Variants in PCDH11X observed in about 807,000 individuals in gnomAD.
The protein encoded by PCDH11X is protocadherin 11 X-linked.
A neutral mutation model predicts 53.3 loss-of-function variants in PCDH11X; 18 were observed. The observed-to-expected ratio is 0.34, with a 90% CI of 0.23 to 0.50. PCDH11X has a LOEUF of 0.50. Ranked by LOEUF, PCDH11X falls within the 20% of genes least tolerant of loss-of-function variation. The pLI is 0.98. For missense variants in PCDH11X, 570 were observed against 1,032.4 expected (o/e 0.55, Z 6.14); for synonymous variants, 279 against 393.3 (o/e 0.71, Z 3.44).
chrX:91,860,184 C>T (rs1938583321), intron 5 of PCDH11X, among the ~76,000 whole-genome samples: 2 of 108,758 alleles, frequency 1.8e-5, no homozygotes, highest in South Asian at 4.3e-4. Flanking sequence ...TCTTTCATTT[C>T]CCTTGTTAGC....
At chrX:92,152,751 TTATGTATGTATGTATGTATGTATG>T (rs559164762) in intron 6 of PCDH11X, among the ~76,000 whole-genome samples, 23 of 99,049 alleles carry the variant, frequency 2.3e-4, no homozygotes, top group African/African-American at 8.3e-4. Context: ...TATTTTTATT[TTATGTATGTATGTATGTATGTATG>T]TATGTATGTA....
At chrX:92,146,794 T>C (rs1479802935) in intron 6 of PCDH11X, among the ~76,000 whole-genome samples, 2 of 110,075 alleles carry the variant, frequency 1.8e-5, no homozygotes, top group African/African-American at 3.3e-5. Context: ...AGGTCAGGAG[T>C]TCGAGACCAG....
chrX:92,467,884 A>G (rs1044308258), intron 9 of PCDH11X, among the ~76,000 whole-genome samples: 1 of 111,616 alleles, frequency 9.0e-6, no homozygotes, highest in Non-Finnish European at 1.9e-5. Context: ...GTTAAGTCAA[A>G]AACAATGTCT....
intron 10 of PCDH11X, among the ~76,000 whole-genome samples, chrX:92,497,707 T>G (rs1029761593): frequency 6.3e-5 from 7 of 111,189 alleles, no homozygotes; most frequent in African/African-American, 2.3e-4. Flanking sequence ...TTTATATATA[T>G]TTAGTAATTA....
At chrX:92,408,465 G>A (rs34626975) in intron 9 of PCDH11X, among the ~76,000 whole-genome samples, 28,441 of 109,125 alleles carry the variant, frequency 0.26, 4,053 homozygotes, top group African/African-American at 0.55. Flanking sequence ...GTAGAAGGGG[G>A]AAGAAACACC....
At chrX:92,326,792 C>G (rs1364689168) in intron 8 of PCDH11X, among the ~76,000 whole-genome samples, 1 of 99,962 alleles carries the variant, frequency 1.0e-5, no homozygotes, top group Non-Finnish European at 2.0e-5. Flanking sequence ...GTACTTTTGC[C>G]ATATTTAATG....
At chrX:92,406,333 T>C (rs1198051389) in intron 9 of PCDH11X, among the ~76,000 whole-genome samples, 1 of 106,448 alleles carries the variant, frequency 9.4e-6, no homozygotes, top group East Asian at 3.3e-4. Context: ...TCTAATGACT[T>C]TGATGGACCA....
chrX:92,326,623 T>TATATATATATATATATATATATA (rs1491110500), intron 8 of PCDH11X, among the ~76,000 whole-genome samples: 3 of 45,128 alleles, frequency 6.6e-5, no homozygotes, highest in African/African-American at 1.5e-4. Context: ...TTTAATAAAC[T>TATATATATATATATATATATATA]ATATATATAT....
chrX:92,126,624 A>T (rs1248736568), intron 6 of PCDH11X, among the ~76,000 whole-genome samples: 1 of 108,357 alleles, frequency 9.2e-6, no homozygotes, highest in Non-Finnish European at 1.9e-5. Flanking sequence ...AATAAAAAAT[A>T]AAAAATAAAA....
At position 92,206,788 on chromosome X, in the gene PCDH11X, A is replaced by C. The variant is rs373715150; in HGVS notation, c.3114+5333A>C. Reference sequence around the variant, plus strand: ...GTTACCCATCTGCCTCGGCCTCCTAAAGTGCTGGGATTATAGGTGTGAGCC... The same window carrying C: ...GTTACCCATCTGCCTCGGCCTCCTACAGTGCTGGGATTATAGGTGTGAGCC... On this transcript the variant is annotated intron_variant, in intron 7 of 10. Coordinates refer to ENST00000682573, the MANE Select transcript of PCDH11X (RefSeq NM_032968.5). Among the ~76,000 whole-genome samples the C allele has an allele frequency of 4.3e-4, 48 of 110,538 alleles. 1 individual carries two copies. In the East Asian group the frequency reaches 0.01, roughly 24 times the overall value.
intron 7 of PCDH11X, among the ~76,000 whole-genome samples, chrX:92,237,047 A>G (rs893796999): frequency 9.0e-6 from 1 of 111,054 alleles, no homozygotes; most frequent in African/African-American, 3.3e-5. Flanking sequence ...AAAAAAAGAC[A>G]CCTGCCATGA....
intron 10 of PCDH11X, among the ~76,000 whole-genome samples, chrX:92,568,403 CAG>C (rs1320403214): frequency 9.5e-6 from 1 of 104,858 alleles, no homozygotes; most frequent in East Asian, 3.0e-4. Context: ...GCCTGGGTGA[CAG>C]AGTGAGACTC....
intron 1 of PCDH11X, among the ~76,000 whole-genome samples, chrX:91,781,805 G>C (rs1935154645): frequency 8.9e-6 from 1 of 112,228 alleles, no homozygotes; most frequent in Non-Finnish European, 1.9e-5. Flanking sequence ...GACCGTGTGC[G>C]GGCGGTCTTG....
In PCDH11X at chrX:92,280,521, CAAATAAATAAAT is replaced by C. The variant is rs200000470; in HGVS notation, c.3144+17409_3144+17420del. ...TGGGCAATAGAGTGAGGCTCCATCT[CAAATAAATAAAT>C]AAATAAATAAATAAATAAATAAATA... is the stretch of plus-strand genomic sequence containing the variant. On this transcript the variant is annotated intron_variant, in intron 8 of 10. Coordinates refer to ENST00000682573, the MANE Select transcript of PCDH11X (RefSeq NM_032968.5). 1.4e-3 allele frequency among the ~76,000 whole-genome samples: 144 copies of C among 104,318 alleles called. 1 individual carries two copies. Among genetic ancestry groups the C allele is most frequent in the African/African-American group, 4.4e-3 (125 of 28,171 alleles). The allele number at this position is 104,318 out of a possible 115,157, so 90.6% of individuals were successfully genotyped here.
At chrX:92,112,108 C>CACA (rs1452023380) in intron 6 of PCDH11X, among the ~76,000 whole-genome samples, 2 of 72,340 alleles carry the variant, frequency 2.8e-5, no homozygotes, top group Non-Finnish European at 5.7e-5. Context: ...CCAGGAATAC[C>CACA]AAAAAAAAAA....
At chrX:92,100,888 T>G (rs867272658) in intron 6 of PCDH11X, among the ~76,000 whole-genome samples, 5 of 110,399 alleles carry the variant, frequency 4.5e-5, no homozygotes, top group South Asian at 7.9e-4. Context: ...GTGATATTGT[T>G]GGGTTGTTAG....
chrX:92,026,624 T>C (rs1359029388), intron 6 of PCDH11X, among the ~76,000 whole-genome samples: 1 of 92,318 alleles, frequency 1.1e-5, no homozygotes, highest in Non-Finnish European at 2.1e-5. Context: ...TTTCCAATTT[T>C]AGGCATTAAA....
intron 5 of PCDH11X, among the ~76,000 whole-genome samples, chrX:91,847,449 CATTAA>C (rs1937746012): frequency 1.8e-5 from 2 of 111,335 alleles, no homozygotes; most frequent in East Asian, 2.8e-4. Context: ...TAAACAGGGA[CATTAA>C]ATTAAATTAA....
intron 8 of PCDH11X, among the ~76,000 whole-genome samples, chrX:92,300,454 TTTGTTG>T (rs202104309): frequency 0.019 from 2,090 of 110,521 alleles, 63 homozygotes; most frequent in African/African-American, 0.065. Context: ...TATTCTTTGT[TTTGTTG>T]TTGTTGTTGT....
Sources: allele counts gnomAD v4.1 joint callset (sites outside exome capture counted in the v4.1 genomes callset), GRCh38; gene constraint gnomAD v4.1.1; transcripts MANE v1.5; gene names NCBI Gene and HGNC (gene_info 2026-07-23, HGNC 2026-07-21).